The following CNTNAP2 variants were observed in gnomAD, a reference collection of about 807,000 sequenced individuals.
CNTNAP2 encodes contactin associated protein 2.
A neutral mutation model predicts 155.2 loss-of-function variants in CNTNAP2; 98 were observed. The ratio of observed to expected loss-of-function variants is 0.63; its 90% CI spans 0.54 to 0.75. The LOEUF (loss-of-function observed/expected upper bound fraction) is 0.75, where lower values mean the gene tolerates loss of function less well. Ranked by LOEUF, CNTNAP2 falls within the 30% of genes least tolerant of loss-of-function variation. The pLI, the probability that CNTNAP2 is intolerant of heterozygous loss-of-function variation, is 0.00. For missense variants in CNTNAP2, 1,727 were observed against 1,688.1 expected (o/e 1.02, Z -0.40); for synonymous variants, 651 against 631.2 (o/e 1.03, Z -0.47).
At chr7:146,117,622 A>G (rs1797504419) in intron 1 of CNTNAP2, among the ~76,000 whole-genome samples, 1 of 152,168 alleles carries the variant, frequency 6.6e-6, no homozygotes, top group Admixed American at 6.5e-5. Context: ...ATGTAGTAAT[A>G]AACAGATTCT....
chr7:147,470,783 C>T (rs1798203281), intron 10 of CNTNAP2, among the ~76,000 whole-genome samples: 1 of 151,782 alleles, frequency 6.6e-6, no homozygotes, highest in Admixed American at 6.6e-5. Context: ...TACCTAACTG[C>T]AGATGAGGTG....
chr7:146,638,651 A>T (rs982801886), intron 1 of CNTNAP2, among the ~76,000 whole-genome samples: 8 of 150,752 alleles, frequency 5.3e-5, no homozygotes, highest in African/African-American at 1.7e-4. Context: ...CACCTGGCTA[A>T]TTTTTTTGTA....
chr7:147,571,320 G>A lies in CNTNAP2; in HGVS notation c.1897+9063G>A, dbSNP rs187497614. ...AGAAGTGTGATGTTCCCCTTCCTGT[G>A]TCCATGTGTTCTCATTGTTCAATTC... is the stretch of plus-strand genomic sequence containing the variant. On this transcript the variant is annotated intron_variant, in intron 12 of 23. Coordinates refer to ENST00000361727, the MANE Select transcript of CNTNAP2 (RefSeq NM_014141.6). 7.0e-3 allele frequency among the ~76,000 whole-genome samples: 885 copies of A among 127,234 alleles called. 10 individuals carry two copies. Among genetic ancestry groups the A allele is most frequent in the African/African-American group, 0.026 (845 of 32,548 alleles). The allele number at this position is 127,234 out of a possible 152,430, so 83.5% of individuals were successfully genotyped here.
chr7:147,984,361 T>C (rs1386853838), intron 15 of CNTNAP2, among the ~76,000 whole-genome samples: 1 of 152,138 alleles, frequency 6.6e-6, no homozygotes, highest in Non-Finnish European at 1.5e-5. Context: ...CGAGATGGAG[T>C]TGGTGCTTAG....
Position 147,053,031 on chromosome 7 carries a change from G to A in CNTNAP2, c.550+8977G>A, listed in dbSNP as rs145468877. Reference sequence around the variant, plus strand: ...TTTCAAACTAGAATTGGAGTGCTTTGTAATAGACAGCTGTGGATTGTCATT... The same window carrying A: ...TTTCAAACTAGAATTGGAGTGCTTTATAATAGACAGCTGTGGATTGTCATT... On this transcript the variant is annotated intron_variant, in intron 4 of 23. Transcript: ENST00000361727. 6.1e-3 allele frequency among the ~76,000 whole-genome samples: 922 copies of A among 152,236 alleles called. 8 individuals carry two copies. Among genetic ancestry groups the A allele is most frequent in the African/African-American group, 0.021 (885 of 41,548 alleles).
chr7:147,981,899 G>C (rs66553749), intron 15 of CNTNAP2, among the ~76,000 whole-genome samples: 64,173 of 151,090 alleles, frequency 0.42, 15,312 homozygotes, highest in Middle Eastern at 0.65. Flanking sequence ...GAAAGTATGA[G>C]TGGTGACGGA....
chr7:147,674,630 G>T (rs150569542), intron 13 of CNTNAP2, among the ~76,000 whole-genome samples: 1 of 152,050 alleles, frequency 6.6e-6, no homozygotes, highest in South Asian at 2.1e-4. Flanking sequence ...ATTTCACTTC[G>T]TTGTTTAAAT....
intron 1 of CNTNAP2, among the ~76,000 whole-genome samples, chr7:146,293,828 A>G (rs1800470110): frequency 6.6e-6 from 1 of 152,204 alleles, no homozygotes; most frequent in Admixed American, 6.6e-5. Flanking sequence ...AAATAATTTA[A>G]AAGGTAAAAA....
At chr7:147,725,679 A>C (rs1363297588) in intron 13 of CNTNAP2, among the ~76,000 whole-genome samples, 1 of 152,090 alleles carries the variant, frequency 6.6e-6, no homozygotes, top group African/African-American at 2.4e-5. Flanking sequence ...AGCCACCCCA[A>C]ACAGGGCATG....
At chr7:147,308,659 T>A (rs1417125091) in intron 9 of CNTNAP2, among the ~76,000 whole-genome samples, 1 of 152,208 alleles carries the variant, frequency 6.6e-6, no homozygotes, top group Non-Finnish European at 1.5e-5. Context: ...GAAAATGACT[T>A]TTGACCTATA....
intron 9 of CNTNAP2, among the ~76,000 whole-genome samples, chr7:147,365,049 TG>T (rs1259598582): frequency 2.0e-5 from 3 of 152,224 alleles, no homozygotes; most frequent in Non-Finnish European, 4.4e-5. Context: ...AGTGTGAATT[TG>T]GGATATTTTT....
At chr7:146,596,861 G>T (rs1465783973) in intron 1 of CNTNAP2, among the ~76,000 whole-genome samples, 3 of 151,998 alleles carry the variant, frequency 2.0e-5, no homozygotes, top group Admixed American at 1.3e-4. Context: ...CATTGTGAGG[G>T]TTAAATGGAA....
chr7:146,937,502 A>T (rs1796944482), intron 3 of CNTNAP2, among the ~76,000 whole-genome samples: 1 of 152,228 alleles, frequency 6.6e-6, no homozygotes, highest in East Asian at 1.9e-4. Flanking sequence ...TGTTAAGAAG[A>T]GGAAACCTTG....
intron 1 of CNTNAP2, among the ~76,000 whole-genome samples, chr7:146,215,345 A>T (rs1450985087): frequency 6.6e-6 from 1 of 152,206 alleles, no homozygotes; most frequent in African/African-American, 2.4e-5. Context: ...ATCATTTCTT[A>T]TAAGAAGGAT....
At chr7:146,622,129 GTA>G (rs3077336) in intron 1 of CNTNAP2, among the ~76,000 whole-genome samples, 91,337 of 144,640 alleles carry the variant, frequency 0.63, 29,340 homozygotes, top group African/African-American at 0.79. Flanking sequence ...TTATGTATGT[GTA>G]TATATATATA....
intron 14 of CNTNAP2, among the ~76,000 whole-genome samples, chr7:147,946,130 C>T (rs77178647): frequency 1.3e-5 from 2 of 152,172 alleles, no homozygotes; most frequent in East Asian, 3.9e-4. Context: ...TACCCAAACA[C>T]GTAGCAACTG....
At chr7:147,763,038 C>G (rs1326191646) in intron 13 of CNTNAP2, among the ~76,000 whole-genome samples, 3 of 152,014 alleles carry the variant, frequency 2.0e-5, no homozygotes, top group Non-Finnish European at 4.4e-5. Context: ...GTGAGCAGAT[C>G]ACCTGAAGTC....
intron 8 of CNTNAP2, among the ~76,000 whole-genome samples, chr7:147,192,149 C>A (rs1802692090): frequency 6.6e-6 from 1 of 152,170 alleles, no homozygotes; most frequent in African/African-American, 2.4e-5. Flanking sequence ...GCAAGACTCT[C>A]AACACCAGCC....
chr7:146,905,865 T>G (rs796940357), intron 3 of CNTNAP2, among the ~76,000 whole-genome samples: 9 of 152,216 alleles, frequency 5.9e-5, no homozygotes, highest in African/African-American at 2.2e-4. Flanking sequence ...GATGGGTGAT[T>G]TCTGGAAATC....
Sources: allele counts gnomAD v4.1 joint callset (sites outside exome capture counted in the v4.1 genomes callset), GRCh38; gene constraint gnomAD v4.1.1; transcripts MANE v1.5; gene names NCBI Gene and HGNC (gene_info 2026-07-23, HGNC 2026-07-21).